Variants in MIR2052HG observed in about 807,000 individuals in gnomAD.
MIR2052HG encodes MIR2052 host gene.
intron 1 of MIR2052HG, chr8:74,612,821 C>T (rs769346299): frequency 1.5e-5 from 7 of 452,226 alleles, no homozygotes; most frequent in South Asian, 7.8e-5. Flanking sequence ...TAATCTAATA[C>T]GTATCTATTA....
intron 1 of MIR2052HG, among the ~76,000 whole-genome samples, chr8:74,606,329 G>T (rs1242762265): frequency 6.6e-6 from 1 of 152,080 alleles, no homozygotes; most frequent in Non-Finnish European, 1.5e-5. Context: ...GAGTCTGTCT[G>T]GCTCTCTTAG....
intron 2 of MIR2052HG, among the ~76,000 whole-genome samples, chr8:74,656,056 C>G (rs1449356178): frequency 1.3e-5 from 2 of 152,026 alleles, no homozygotes; most frequent in Non-Finnish European, 2.9e-5. Context: ...GCCCTGTAAC[C>G]CCTTTGTTTT....
intron 1 of MIR2052HG, among the ~76,000 whole-genome samples, chr8:74,600,184 TC>T (rs1807972371): frequency 6.6e-6 from 1 of 152,102 alleles, no homozygotes; most frequent in Non-Finnish European, 1.5e-5. Context: ...AAATCACCCT[TC>T]TTCTGCGTCA....
At chr8:74,683,679 T>C (rs78507829) in intron 2 of MIR2052HG, among the ~76,000 whole-genome samples, 1,932 of 152,210 alleles carry the variant, frequency 0.013, 31 homozygotes, top group African/African-American at 0.045. Context: ...TTATGTTCTG[T>C]TTTTATTCCT....
intron 2 of MIR2052HG, among the ~76,000 whole-genome samples, chr8:74,620,840 G>A (rs752725084): frequency 6.6e-5 from 10 of 152,308 alleles, no homozygotes; most frequent in Non-Finnish European, 1.3e-4. Context: ...GCAAATTTCT[G>A]TGGCAGGCTG....
At chr8:74,746,088 A>C (rs1447373945) in intron 4 of MIR2052HG, among the ~76,000 whole-genome samples, 1 of 152,186 alleles carries the variant, frequency 6.6e-6, no homozygotes, top group African/African-American at 2.4e-5. Flanking sequence ...TAATTAAGAA[A>C]GTGGTTTGAT....
chr8:74,677,448 T>C (rs1809067411), intron 2 of MIR2052HG, among the ~76,000 whole-genome samples: 1 of 152,084 alleles, frequency 6.6e-6, no homozygotes, highest in Non-Finnish European at 1.5e-5. Flanking sequence ...AAAGCAACTC[T>C]CAAACTTCCA....
chr8:74,744,478 C>A (rs112237735), intron 4 of MIR2052HG, among the ~76,000 whole-genome samples: 7 of 151,336 alleles, frequency 4.6e-5, no homozygotes, highest in South Asian at 2.1e-4. Context: ...GTCCCCCCTC[C>A]CCCTACCCCA....
In MIR2052HG at chr8:74,604,196, G is replaced by C. The variant is rs867146614; in HGVS notation, n.128+4288G>C. ...ACTTCCTTTCCATGCATAAGTAGTC[G>C]GATGGTGAGAGTGATATTTAATCCA... On this transcript the variant is annotated intron_variant and non_coding_transcript_variant, in intron 1 of 6. Coordinates refer to ENST00000523442, the Ensembl canonical transcript of MIR2052HG. 29 of 895,752 alleles carry C rather than the reference G, an allele frequency of 3.2e-5. 3 individuals are homozygous for C. In the South Asian group the frequency reaches 3.5e-4, roughly 11 times the overall value. 55.5% of individuals were successfully genotyped at this position (895,752 alleles called of 1,614,324 possible).
chr8:74,647,377 T>C (rs1255992575), intron 2 of MIR2052HG, among the ~76,000 whole-genome samples: 1 of 152,176 alleles, frequency 6.6e-6, no homozygotes, highest in African/African-American at 2.4e-5. Context: ...TACAAGGTGG[T>C]TTGAGGCTCA....
Position 74,650,768 on chromosome 8 carries a change from G to A in MIR2052HG, n.216+37828G>A, listed in dbSNP as rs189912927. ...GAAGTTTTAAGTCACAGGTTAACAT[G>A]TGACTGAAAATATTTCTCTACTAAA... On this transcript the variant is annotated intron_variant and non_coding_transcript_variant, in intron 2 of 6. Transcript: ENST00000523442. Among the ~76,000 whole-genome samples, 42 of 152,258 alleles carry A rather than the reference G, an allele frequency of 2.8e-4. No homozygotes were observed. The Middle Eastern group carries it at 0.02, about 74-fold the overall frequency.
intron 2 of MIR2052HG, among the ~76,000 whole-genome samples, chr8:74,652,414 A>G (rs1164644851): frequency 6.6e-6 from 1 of 152,176 alleles, no homozygotes; most frequent in Admixed American, 6.6e-5. Context: ...TAGGCTCTGG[A>G]GTGAAGACCA....
chr8:74,600,303 A>C (rs1291018881), intron 1 of MIR2052HG, among the ~76,000 whole-genome samples: 1 of 149,770 alleles, frequency 6.7e-6, no homozygotes, highest in Non-Finnish European at 1.5e-5. Flanking sequence ...ATGGAGTTTC[A>C]GGTGGGCATG....
chr8:74,689,277 A>G (rs1408240333), intron 2 of MIR2052HG, among the ~76,000 whole-genome samples: 1 of 152,218 alleles, frequency 6.6e-6, no homozygotes, highest in Non-Finnish European at 1.5e-5. Context: ...GGAGCTCTTA[A>G]GTAATAAACA....
At chr8:74,603,599 T>C in intron 1 of MIR2052HG, 3 of 1,545,226 alleles carry the variant, frequency 1.9e-6, no homozygotes, top group Admixed American at 1.7e-5. Context: ...GACTGTTGCA[T>C]TGCCAACTGG....
intron 2 of MIR2052HG, among the ~76,000 whole-genome samples, chr8:74,673,414 T>C (rs1344716127): frequency 1.3e-5 from 2 of 152,048 alleles, no homozygotes; most frequent in Non-Finnish European, 2.9e-5. Context: ...TAGATCACGA[T>C]TTGCTCTACT....
At chr8:74,653,897 A>C (rs1478062561) in intron 2 of MIR2052HG, among the ~76,000 whole-genome samples, 1 of 152,204 alleles carries the variant, frequency 6.6e-6, no homozygotes, top group African/African-American at 2.4e-5. Flanking sequence ...ATTATGAAGA[A>C]ATTGTTGATT....
chr8:74,684,717 C>T (rs1165256384), intron 2 of MIR2052HG, among the ~76,000 whole-genome samples: 2 of 152,090 alleles, frequency 1.3e-5, no homozygotes, highest in Non-Finnish European at 2.9e-5. Flanking sequence ...GGGTTAAGAA[C>T]CATCACTAAG....
chr8:74,640,313 A>T (rs1251320296), intron 2 of MIR2052HG, among the ~76,000 whole-genome samples: 1 of 151,886 alleles, frequency 6.6e-6, no homozygotes, highest in African/African-American at 2.4e-5. Flanking sequence ...TAAAAAAAAA[A>T]TACAAAAATT....
Sources: gnomAD v4.1 joint callset for allele counts (sites outside exome capture counted in the v4.1 genomes callset) on GRCh38, gnomAD v4.1.1 for gene constraint, MANE v1.5 for transcripts, NCBI Gene and HGNC (gene_info 2026-07-23, HGNC 2026-07-21) for gene names.